Variants in SSUH2 observed in about 807,000 individuals in gnomAD.
The protein encoded by SSUH2 is protein SSUH2 homolog.
Under a neutral mutation model 55.3 loss-of-function variants are expected in SSUH2, and 47 were observed. That is an observed-to-expected ratio of 0.85 (90% confidence interval 0.67 to 1.08). The LOEUF (loss-of-function observed/expected upper bound fraction) is 1.08, where lower values mean the gene tolerates loss of function less well. Among genes scored for constraint, SSUH2 ranks in the 50% least tolerant of loss-of-function variants. The probability of loss-of-function intolerance (pLI) is 0.00; values close to 1 mark genes in which losing one functional copy is unlikely to be tolerated. For synonymous variants in SSUH2, 212 were observed against 191.5 expected (o/e 1.11, Z -0.89); for missense variants, 535 against 490.7 (o/e 1.09, Z -0.85).
chr3:8,673,360 C>T (rs1405712295), intron 3 of SSUH2, among the ~76,000 whole-genome samples: 1 of 152,016 alleles, frequency 6.6e-6, no homozygotes, highest in South Asian at 2.1e-4. Context: ...CATTCCACCC[C>T]TCCCTCGGCT....
intron 3 of SSUH2, chr3:8,634,386 C>A (rs1699531875): frequency 7.7e-7 from 1 of 1,291,318 alleles, no homozygotes. Flanking sequence ...TGAGGCCATG[C>A]CACCCCCTTA....
intron 10 of SSUH2, 63 bp downstream of exon 10, chr3:8,625,479 C>T (rs1229831608): frequency 9.8e-6 from 10 of 1,024,836 alleles, no homozygotes; most frequent in Admixed American, 1.8e-5. Flanking sequence ...CTAGCAGCCC[C>T]AGGCCCACGA....
At chr3:8,651,059 G>T (rs113607112) in intron 7 of SSUH2, among the ~76,000 whole-genome samples, 5 of 152,204 alleles carry the variant, frequency 3.3e-5, no homozygotes, top group Admixed American at 3.3e-4. Context: ...CGGTCCCTCC[G>T]TTTCTCCCTT....
At chr3:8,646,927 T>C (rs1701747046), upstream of SSUH2, among the ~76,000 whole-genome samples, 1 of 152,210 alleles carries the variant, frequency 6.6e-6, no homozygotes, top group Non-Finnish European at 1.5e-5. Flanking sequence ...GGCCCTCGTG[T>C]CCTGCATGTG....
intron 5 of SSUH2, among the ~76,000 whole-genome samples, chr3:8,670,068 G>A (rs141233544): frequency 7.9e-5 from 12 of 151,828 alleles, no homozygotes; most frequent in East Asian, 3.9e-4. Context: ...TTGCACCTCC[G>A]CAAGACAAGC....
At chr3:8,639,458 T>C (rs1470362217) in intron 1 of SSUH2, among the ~76,000 whole-genome samples, 2 of 152,236 alleles carry the variant, frequency 1.3e-5, no homozygotes, top group African/African-American at 2.4e-5. Flanking sequence ...GCTCAGATCC[T>C]GTCTCCAAGC....
intron 5 of SSUH2, among the ~76,000 whole-genome samples, chr3:8,666,265 A>G (rs1228191174): frequency 1.3e-5 from 2 of 152,344 alleles, no homozygotes; most frequent in Non-Finnish European, 2.9e-5. Context: ...AATATAATGT[A>G]TTTTTAGATA....
At chr3:8,633,370 CTCACCTCAGGTGA>C (rs1198757926) in intron 4 of SSUH2, among the ~76,000 whole-genome samples, 1 of 150,048 alleles carries the variant, frequency 6.7e-6, no homozygotes, top group East Asian at 2.0e-4. Flanking sequence ...TCTAACCTGA[CTCACCTCAGGTGA>C]TCCTGACCTC....
intron 1 of SSUH2, among the ~76,000 whole-genome samples, chr3:8,642,059 A>G (rs1176903737): frequency 6.6e-6 from 1 of 152,206 alleles, no homozygotes; most frequent in East Asian, 1.9e-4. Context: ...GGTACAACCC[A>G]TGTCTTATAG....
rs56060608 is a variant in SSUH2 at position 8,678,690 on chromosome 3, A to C, written c.-901+1015T>G. 4.7e-3 allele frequency among the ~76,000 whole-genome samples: 105 copies of C among 22,522 alleles called. 11 individuals carry two copies. Among genetic ancestry groups the C allele is most frequent in the African/African-American group, 8.4e-3 (43 of 5,144 alleles). 14.8% of individuals were successfully genotyped at this position (22,522 alleles called of 152,430 possible). On this transcript the variant is annotated intron_variant, in intron 2 of 18. Transcript: ENST00000317371. Reference sequence around the variant, plus strand: ...GCGAGGCGGGGATTGAGAGCCAGCCACTCTTCCCCTCCTGGGTCTTAGGAC... The same window carrying C: ...GCGAGGCGGGGATTGAGAGCCAGCCCCTCTTCCCCTCCTGGGTCTTAGGAC...
At chr3:8,658,141 TG>T (rs1703117235) in intron 7 of SSUH2, among the ~76,000 whole-genome samples, 1 of 152,234 alleles carries the variant, frequency 6.6e-6, no homozygotes, top group African/African-American at 2.4e-5. Context: ...ATCAGAAAAC[TG>T]GGGATGACCC....
intron 7 of SSUH2, among the ~76,000 whole-genome samples, chr3:8,655,535 A>G (rs1176765979): frequency 6.6e-6 from 1 of 152,062 alleles, no homozygotes; most frequent in African/African-American, 2.4e-5. Context: ...GGCCTCCCCG[A>G]GATCACAGTG....
chr3:8,676,185 T>C (rs939097867), intron 3 of SSUH2, among the ~76,000 whole-genome samples: 41 of 151,932 alleles, frequency 2.7e-4, no homozygotes, highest in African/African-American at 9.9e-4. Context: ...CTGGAGATTA[T>C]GAACTGTTTC....
Position 8,635,328 on chromosome 3 carries a change from T to G in SSUH2, c.181A>C (p.Arg61=). ...LEAPGRPQEQ[R]SWPSFLEHRV... Reference sequence around the variant, plus strand: ...TGTTCCAGGAACGAGGGCCAGGACCTTTGCTCCTGGGGCCTCCCTGGGGCC... The same window carrying G: ...TGTTCCAGGAACGAGGGCCAGGACCGTTGCTCCTGGGGCCTCCCTGGGGCC... Residue 61 remains arginine, a synonymous_variant, in exon 3 of 12, where the codon AGG becomes CGG. Transcript: ENST00000544814. 1 of 1,535,968 alleles carries G rather than the reference T, an allele frequency of 6.5e-7. No homozygotes were observed. The highest frequency in any genetic ancestry group is 8.7e-7 in the Non-Finnish European group (1 of 1,146,810).
intron 7 of SSUH2, among the ~76,000 whole-genome samples, chr3:8,657,934 G>A (rs1004403205): frequency 1.3e-5 from 2 of 152,274 alleles, no homozygotes; most frequent in South Asian, 4.1e-4. Context: ...GCATAGCCCT[G>A]CATGGGCAGG....
At chr3:8,681,014 CA>C (rs1705897563) in intron 1 of SSUH2, among the ~76,000 whole-genome samples, 2 of 142,620 alleles carry the variant, frequency 1.4e-5, no homozygotes, top group East Asian at 2.0e-4. Context: ...GTGGGGGAGG[CA>C]ACCTCCAAGT....
rs113818917 is a variant in SSUH2, at chr3:8,669,126, C to A, written c.-455+1872G>T. Reference sequence around the variant, plus strand: ...ATACTCTCTCATTCAAATGAAACAACAAAATAAAAAGCGGTGGACAACAAT... The same window carrying A: ...ATACTCTCTCATTCAAATGAAACAAAAAAATAAAAAGCGGTGGACAACAAT... On this transcript the variant is annotated intron_variant, in intron 5 of 18. Coordinates refer to the SSUH2 transcript ENST00000317371. Among the ~76,000 whole-genome samples the A allele has an allele frequency of 5.5e-3, 841 of 152,214 alleles. 2 individuals are homozygous for A. Among genetic ancestry groups the A allele is most frequent in the African/African-American group, 0.019 (780 of 41,540 alleles).
upstream of SSUH2, chr3:8,644,832 T>C (rs915612106): frequency 5.3e-6 from 7 of 1,311,368 alleles, no homozygotes; most frequent in African/African-American, 7.4e-5. Flanking sequence ...TGGACCACCC[T>C]CAGGCCCCTC....
chr3:8,642,216 T>C (rs1007369712), intron 1 of SSUH2, among the ~76,000 whole-genome samples: 2 of 152,192 alleles, frequency 1.3e-5, no homozygotes, highest in East Asian at 1.9e-4. Flanking sequence ...ATATGGTATA[T>C]AGAATAAGGG....
Sources: gnomAD v4.1 joint callset for allele counts (sites outside exome capture counted in the v4.1 genomes callset) on GRCh38, gnomAD v4.1.1 for gene constraint, MANE v1.5 for transcripts, NCBI Gene and HGNC (gene_info 2026-07-23, HGNC 2026-07-21) for gene names.